Variants in FREM1 observed in about 807,000 individuals in gnomAD.
FREM1 encodes the protein FRAS1-related extracellular matrix protein 1.
Under a neutral mutation model 210.1 loss-of-function variants are expected in FREM1, and 220 were observed. The ratio of observed to expected loss-of-function variants is 1.05; its 90% confidence interval spans 0.94 to 1.17. The LOEUF is 1.17. FREM1 is among the 50% of genes most tolerant of loss of function. The probability of loss-of-function intolerance (pLI) is 0.00; values close to 1 mark genes in which losing one functional copy is unlikely to be tolerated. For synonymous variants in FREM1, 1,189 were observed against 980.2 expected, an observed-to-expected ratio of 1.21 and a Z score of -3.98; for missense variants, 3,454 against 2,675.5, an observed-to-expected ratio of 1.29 and a Z score of -6.42.
chr9:14,827,956 A>G (rs770713544), intron 10 of FREM1, among the ~76,000 whole-genome samples: 16 of 152,248 alleles, frequency 1.1e-4, no homozygotes, highest in Admixed American at 3.9e-4. Context: ...TGCAGAGTGC[A>G]AGAGCTGTGA....
chr9:14,867,013 C>T (rs530367306), intron 2 of FREM1, among the ~76,000 whole-genome samples: 3 of 151,866 alleles, frequency 2.0e-5, no homozygotes, highest in Non-Finnish European at 2.9e-5. Flanking sequence ...GTATGTGCCA[C>T]TACGCCTGGC....
intron 27 of FREM1, among the ~76,000 whole-genome samples, chr9:14,764,772 T>C (rs893776223): frequency 9.2e-5 from 14 of 152,178 alleles, no homozygotes; most frequent in African/African-American, 1.4e-4. Context: ...GTAATAAATA[T>C]GTTCTTTCTG....
intron 17 of FREM1, 30 bp downstream of exon 17, chr9:14,807,910 T>C (rs564353896): frequency 2.0e-6 from 3 of 1,522,748 alleles, no homozygotes; most frequent in Non-Finnish European, 2.7e-6. Context: ...GGTCAGACAA[T>C]AGTACTGGAA....
At position 14,775,956 on chromosome 9, in the gene FREM1, G is replaced by A; in HGVS notation, c.4690C>T (p.Gln1564Ter). The stretch of plus-strand genomic sequence containing the variant: ...ACATCCTGCTGGGTGAAATTGTGTT[G>A]AAGTAGCCCTGTCCCCCACAGGTAG... The part of the protein sequence containing the change: ...QLYLWGTGLL[Q>*]HNFTQQDVDS... The change falls in exon 25 of 37, where the codon CAA (glutamine) becomes TAA (stop). Residue 1564 changes from glutamine to a stop codon, truncating the protein, a stop_gained. Transcript: ENST00000380880. LOFTEE classifies it high-confidence loss of function. 1 of 1,614,004 alleles carries A rather than the reference G, an allele frequency of 6.2e-7. No homozygotes were observed. Among genetic ancestry groups the A allele is most frequent in the Non-Finnish European group, 8.5e-7 (1 of 1,179,892 alleles).
At position 14,748,707 on chromosome 9, in the gene FREM1, C is replaced by T. The variant is rs141517802; in HGVS notation, c.5558-68G>A. ...AAACAGATAAGGTATCACATTGACA[C>T]AGCTCCTGGAGCAGCTTGTCATTAA... On this transcript the variant is annotated intron_variant, in intron 30 of 36. Coordinates refer to ENST00000380880, the MANE Select transcript of FREM1 (RefSeq NM_001379081.2). The T allele has an allele frequency of 7.2e-5, 72 of 995,198 alleles. No individual in the cohort carries two copies. The African/African-American group carries it at 9.3e-4, about 13-fold the overall frequency. 61.6% of individuals were successfully genotyped at this position (995,198 alleles called of 1,614,324 possible).
At chr9:14,850,223 A>C (rs1186900250) in intron 6 of FREM1, among the ~76,000 whole-genome samples, 3 of 152,158 alleles carry the variant, frequency 2.0e-5, no homozygotes, top group African/African-American at 7.2e-5. Context: ...ACTACAAAAC[A>C]GAGGAGAGAG....
Position 14,901,056 on chromosome 9 carries a change from C to T in FREM1, c.-268+8858G>A, listed in dbSNP as rs998194802. Among the ~76,000 whole-genome samples, 8 of 152,228 alleles carry T rather than the reference C, an allele frequency of 5.3e-5. No individual in the cohort carries two copies. In the East Asian group the frequency reaches 7.7e-4, roughly 15 times the overall value. On this transcript the variant is annotated intron_variant, in intron 1 of 36. Transcript: ENST00000380880. ...TGCATTTTAACTTTGTTCCTTGCTG[C>T]GACTCTTTAAAGACAAAGATAAGTC...
At chr9:14,788,884 T>A (rs145562818) in intron 23 of FREM1, 35 bp downstream of exon 23, 1 of 1,557,186 alleles carries the variant, frequency 6.4e-7, no homozygotes, top group African/African-American at 1.4e-5. Flanking sequence ...GTTAGCAAAG[T>A]TGATCCCAGT....
chr9:14,848,471 G>A (rs995065684), intron 7 of FREM1, among the ~76,000 whole-genome samples, 194 bp downstream of exon 7: 2 of 152,112 alleles, frequency 1.3e-5, no homozygotes, highest in Admixed American at 6.5e-5. Context: ...AGAAATCCTG[G>A]ATTTAAATTT....
At chr9:14,813,425 G>C (rs1819751450) in intron 15 of FREM1, among the ~76,000 whole-genome samples, 1 of 152,090 alleles carries the variant, frequency 6.6e-6, no homozygotes, top group Admixed American at 6.6e-5. Context: ...AAGAATTCTG[G>C]TCCTTGTGGT....
At chr9:14,813,209 A>G (rs1207292561) in intron 15 of FREM1, 145 bp from the exon 16 acceptor site, 1 of 826,542 alleles carries the variant, frequency 1.2e-6, no homozygotes, top group Non-Finnish European at 1.8e-6. Context: ...TGGCCAAGTA[A>G]TCTGTGTCTT....
intron 7 of FREM1, among the ~76,000 whole-genome samples, chr9:14,847,865 C>A (rs1272072179): frequency 6.6e-6 from 1 of 152,148 alleles, no homozygotes; most frequent in Admixed American, 6.5e-5. Flanking sequence ...CTGATTCCAT[C>A]TTTTCTCTCA....
At chr9:14,791,693 T>A (rs1289691779) in intron 22 of FREM1, among the ~76,000 whole-genome samples, 1 of 151,978 alleles carries the variant, frequency 6.6e-6, no homozygotes, top group Non-Finnish European at 1.5e-5. Context: ...GAGTAAGTAG[T>A]CTCCCTGGAG....
chr9:14,856,101 A>G (rs888588192), intron 5 of FREM1, among the ~76,000 whole-genome samples: 4 of 152,188 alleles, frequency 2.6e-5, no homozygotes, highest in Non-Finnish European at 4.4e-5. Flanking sequence ...TTTTAAAACC[A>G]GCAATATGCA....
At chr9:14,801,129 C>T (rs1381682388) in intron 20 of FREM1, among the ~76,000 whole-genome samples, 1 of 152,122 alleles carries the variant, frequency 6.6e-6, no homozygotes, top group Non-Finnish European at 1.5e-5. Flanking sequence ...TCCTGAGTAG[C>T]TGGGATTACA....
intron 25 of FREM1, among the ~76,000 whole-genome samples, chr9:14,773,128 T>A (rs1847892239): frequency 6.6e-6 from 1 of 152,206 alleles, no homozygotes; most frequent in Non-Finnish European, 1.5e-5. Flanking sequence ...CTCTGTCCCC[T>A]GATAACTTGT....
intron 8 of FREM1, among the ~76,000 whole-genome samples, chr9:14,844,578 G>A (rs981223090): frequency 3.3e-5 from 5 of 152,122 alleles, no homozygotes; most frequent in Non-Finnish European, 5.9e-5. Context: ...TTCACACCAC[G>A]TGGCTGTGTT....
At chr9:14,904,114 CAAAAAAAAAAA>C (rs35708320) in intron 1 of FREM1, among the ~76,000 whole-genome samples, 2 of 71,668 alleles carry the variant, frequency 2.8e-5, no homozygotes, top group African/African-American at 5.8e-5. Context: ...GACTCCGTCT[CAAAAAAAAAAA>C]AAAAAAAAAA....
Position 14,851,327 on chromosome 9 carries a change from T to C in FREM1, c.1109A>G (p.Tyr370Cys). 4.4e-6 allele frequency: 7 copies of C among 1,607,524 alleles called. No individual in the cohort carries two copies. Among genetic ancestry groups the C allele is most frequent in the East Asian group, 2.2e-5 (1 of 44,768 alleles). The change falls in exon 6 of 37, where the codon TAT (tyrosine) becomes TGT (cysteine). Residue 370 changes from tyrosine (Y) to cysteine (C), a missense_variant. Transcript: ENST00000380880. ...AGAATGGCTGCTGTTTGGTGGCTGA[T>C]AGGCGATCTGCATGTCACTGAGATC... Reference protein sequence around the residue: ...WKDLSDMQIAYQPPNSSHSER... With the variant: ...WKDLSDMQIACQPPNSSHSER...
Sources: gnomAD v4.1 joint callset for allele counts (sites outside exome capture counted in the v4.1 genomes callset) on GRCh38, gnomAD v4.1.1 for gene constraint, MANE v1.5 for transcripts, NCBI Gene and HGNC (gene_info 2026-07-23, HGNC 2026-07-21) for gene names.